The following VAV2 variants were observed in gnomAD, a reference collection of about 807,000 sequenced individuals.
The protein encoded by VAV2 is guanine nucleotide exchange factor VAV2.
VAV2 carries 67 observed loss-of-function variants against 132.5 expected under a neutral mutation model. The ratio of observed to expected loss-of-function variants is 0.51; its 90% CI spans 0.42 to 0.62. The LOEUF is 0.62. Ranked by LOEUF, VAV2 falls within the 20% of genes least tolerant of loss-of-function variation. The pLI, the probability that VAV2 is intolerant of heterozygous loss-of-function variation, is 0.00. For missense variants in VAV2, 938 were observed against 1,153.6 expected, an observed-to-expected ratio of 0.81 and a Z score of 2.71; for synonymous variants, 492 against 443.5, an observed-to-expected ratio of 1.11 and a Z score of -1.37.
chr9:133,911,988 T>C (rs772374897), intron 2 of VAV2, among the ~76,000 whole-genome samples: 7 of 152,206 alleles, frequency 4.6e-5, no homozygotes, highest in Admixed American at 1.3e-4. Flanking sequence ...GTGTGTTCCA[T>C]AGGTAAACGT....
rs114620228 is a variant in VAV2, at chr9:133,864,900, C to T, written c.322-3468G>A. On this transcript the variant is annotated intron_variant, in intron 2 of 29. Coordinates refer to ENST00000371850, the MANE Select transcript of VAV2 (RefSeq NM_001134398.2). ...AGGGCATGCGGTCTGTGAGCTCCTC[C>T]GGGGTAGGAACAAAGTTGGCTTTGC... 6.7e-3 allele frequency among the ~76,000 whole-genome samples: 1,013 copies of T among 152,300 alleles called. 9 individuals are homozygous for T. The highest frequency in any genetic ancestry group is 0.023 in the African/African-American group (937 of 41,562).
chr9:133,766,796 CA>C (rs902320775), intron 29 of VAV2, among the ~76,000 whole-genome samples: 2 of 92,702 alleles, frequency 2.2e-5, no homozygotes, highest in Non-Finnish European at 4.7e-5. Context: ...ATCCCAAAAA[CA>C]AAAAAACAAA....
rs2073931 is a variant in VAV2 at position 133,863,468 on chromosome 9, C to T, written c.322-2036G>A. Among the ~76,000 whole-genome samples, 17 of 152,266 alleles carry T rather than the reference C, an allele frequency of 1.1e-4. No individual in the cohort carries two copies. Among genetic ancestry groups the T allele is most frequent in the South Asian group, 1.0e-3 (5 of 4,826 alleles). On this transcript the variant is annotated intron_variant, in intron 2 of 29. Transcript: ENST00000371850. The surrounding 1 kb of genome is among the most constrained non-coding windows in gnomAD (Gnocchi z 5.0). ...GATGGAACCGGAGACAGAGAGGAGG[C>T]GTGGCGGGCGAGCCAGCCAAGGCCA...
rs771408271 is a variant in VAV2, at chr9:133,939,224, A to C, written c.205-5T>G. On this transcript the variant is annotated splice_region_variant and splice_polypyrimidine_tract_variant and intron_variant, in intron 1 of 29. Transcript: ENST00000371850. ...TATGTTCTTCAAACACAGAAACTAA[A>C]GGGAAAAAACAAAGGGAGGGCAAGG... 11 of 1,613,676 alleles carry C rather than the reference A, an allele frequency of 6.8e-6. No homozygotes were observed. Among genetic ancestry groups the C allele is most frequent in the Non-Finnish European group, 9.3e-6 (11 of 1,179,542 alleles).
chr9:133,908,790 GC>G (rs1222347997), intron 2 of VAV2, among the ~76,000 whole-genome samples: 1 of 152,238 alleles, frequency 6.6e-6, no homozygotes, highest in Non-Finnish European at 1.5e-5. Context: ...CCAGGAGCAG[GC>G]CCCCTCGGGA....
chr9:133,786,927 G>A (rs900645281), intron 16 of VAV2, among the ~76,000 whole-genome samples: 3 of 152,186 alleles, frequency 2.0e-5, no homozygotes, highest in Admixed American at 6.5e-5. Context: ...GGGAGAAAGA[G>A]GGAGGGAGGA....
chr9:133,861,344 G>A (rs571506105), intron 3 of VAV2, 30 bp downstream of exon 3: 96 of 1,598,590 alleles, frequency 6.0e-5, no homozygotes, highest in Middle Eastern at 1.7e-4. Context: ...GAAAGGACCC[G>A]GCCTTGGCAG....
chr9:133,765,235 A>G (rs749435029), intron 29 of VAV2, among the ~76,000 whole-genome samples: 1 of 152,266 alleles, frequency 6.6e-6, no homozygotes, highest in African/African-American at 2.4e-5. Flanking sequence ...GAAGAGAAAC[A>G]GGATATTTAC....
rs537480238 is a variant in VAV2 at position 133,968,246 on chromosome 9, G to T, written c.204+23829C>A. Among the ~76,000 whole-genome samples, 5 of 152,188 alleles carry T rather than the reference G, an allele frequency of 3.3e-5. No homozygotes were observed. In the East Asian group the frequency reaches 7.7e-4, roughly 23 times the overall value. Reference sequence around the variant, plus strand: ...AAATGCCACATGTTTGGGATCATGGGCATCCTAATGACCCTCATTTCATCA... The same window carrying T: ...AAATGCCACATGTTTGGGATCATGGTCATCCTAATGACCCTCATTTCATCA... On this transcript the variant is annotated intron_variant, in intron 1 of 29. Coordinates refer to ENST00000371850, the MANE Select transcript of VAV2 (RefSeq NM_001134398.2).
intron 1 of VAV2, among the ~76,000 whole-genome samples, chr9:133,955,349 C>T (rs953000914): frequency 8.6e-5 from 13 of 151,582 alleles, no homozygotes; most frequent in Non-Finnish European, 1.9e-4. Context: ...GAAGCTGAGT[C>T]GGAAGCACGG....
intron 3 of VAV2, among the ~76,000 whole-genome samples, chr9:133,842,358 C>T (rs1836757958): frequency 6.6e-6 from 1 of 152,216 alleles, no homozygotes. Flanking sequence ...TGCTCCTCGC[C>T]CAGCCGGAGC....
chr9:133,975,454 C>T (rs925994353), intron 1 of VAV2, among the ~76,000 whole-genome samples: 1 of 152,220 alleles, frequency 6.6e-6, no homozygotes, highest in Non-Finnish European at 1.5e-5. Context: ...ACTTGCCAGC[C>T]CTGGGCAGAG....
intron 2 of VAV2, among the ~76,000 whole-genome samples, chr9:133,864,570 CA>C (rs3837288): frequency 0.039 from 5,979 of 152,322 alleles, 351 homozygotes; most frequent in African/African-American, 0.13. Flanking sequence ...ACAGCCACAG[CA>C]CAACCTTTTA....
At chr9:133,986,876 A>G (rs1842870600) in intron 1 of VAV2, among the ~76,000 whole-genome samples, 1 of 152,020 alleles carries the variant, frequency 6.6e-6, no homozygotes, top group African/African-American at 2.4e-5. Context: ...GCACCTCATC[A>G]ACATCCACTG....
intron 2 of VAV2, among the ~76,000 whole-genome samples, chr9:133,891,363 A>G (rs1269207400): frequency 9.0e-4 from 4 of 4,430 alleles, no homozygotes; most frequent in Non-Finnish European, 1.7e-3. Flanking sequence ...GGGGAGGGAT[A>G]AAGGGGAGGG....
chr9:133,774,740 T>G (rs1833752576), intron 25 of VAV2, among the ~76,000 whole-genome samples, 195 bp downstream of exon 25: 1 of 151,988 alleles, frequency 6.6e-6, no homozygotes, highest in African/African-American at 2.4e-5. Flanking sequence ...ATGCCAGGGG[T>G]TCAGGCCCTG....
At chr9:133,956,061 G>A (rs56259406) in intron 1 of VAV2, among the ~76,000 whole-genome samples, 5,311 of 151,930 alleles carry the variant, frequency 0.035, 125 homozygotes, top group Non-Finnish European at 0.049. Context: ...GAGGCACAAA[G>A]CACAGCTTCC....
At chr9:133,870,187 G>A (rs771321749) in intron 2 of VAV2, among the ~76,000 whole-genome samples, 7 of 152,200 alleles carry the variant, frequency 4.6e-5, no homozygotes, top group Non-Finnish European at 7.3e-5. Context: ...GCACTTCTCA[G>A]CCAGTGCATT....
Position 133,969,716 on chromosome 9 carries a change from GCCCA to G in VAV2, c.204+22355_204+22358del, listed in dbSNP as rs2132252366. ...ATCACCCAAGTCCAATCCACCCCAA[GCCCA>G]CCCACTCCTCCTGCGCTCCAGCGGG... On this transcript the variant is annotated intron_variant, in intron 1 of 29. Transcript: ENST00000371850. The surrounding 1 kb of genome is among the most constrained non-coding windows in gnomAD (Gnocchi z 5.1). 6.6e-6 allele frequency among the ~76,000 whole-genome samples: 1 copy of G among 152,100 alleles called. No individual in the cohort carries two copies. Among genetic ancestry groups the G allele is most frequent in the Admixed American group, 6.5e-5 (1 of 15,284 alleles).
Sources: gnomAD v4.1 joint callset for allele counts (sites outside exome capture counted in the v4.1 genomes callset) on GRCh38, gnomAD v4.1.1 for gene constraint, Gnocchi (gnomAD v3.1) non-coding constraint, MANE v1.5 for transcripts, NCBI Gene and HGNC (gene_info 2026-07-23, HGNC 2026-07-21) for gene names.